The following ITGB3BP variants were observed in gnomAD, a reference collection of about 807,000 sequenced individuals.
ITGB3BP encodes the protein integrin subunit beta 3 binding protein.
A neutral mutation model predicts 29.1 loss-of-function variants in ITGB3BP; 27 were observed. The observed-to-expected ratio is 0.93, with a 90% confidence interval of 0.68 to 1.28. The LOEUF (loss-of-function observed/expected upper bound fraction) is 1.28, where lower values mean the gene tolerates loss of function less well. ITGB3BP is among the 50% of genes most tolerant of loss of function. ITGB3BP has a pLI of 0.00. For synonymous variants in ITGB3BP, 61 were observed against 61.4 expected (o/e 0.99, Z 0.03); for missense variants, 192 against 200.2 (o/e 0.96, Z 0.25).
intron 4 of ITGB3BP, among the ~76,000 whole-genome samples, chr1:63,473,355 A>T (rs866272522): frequency 0.021 from 3,136 of 147,288 alleles, 114 homozygotes; most frequent in African/African-American, 0.075. Flanking sequence ...GCGGGGGGTC[A>T]GCCCCCCGCC....
chr1:63,462,077 C>T (rs1285108094), intron 4 of ITGB3BP, among the ~76,000 whole-genome samples: 1 of 152,202 alleles, frequency 6.6e-6, no homozygotes, highest in Admixed American at 6.5e-5. Context: ...GTAGCATTAA[C>T]ATCTTAACAA....
intron 4 of ITGB3BP, among the ~76,000 whole-genome samples, chr1:63,465,560 TA>T (rs1261234710): frequency 1.3e-4 from 19 of 148,732 alleles, no homozygotes; most frequent in Non-Finnish European, 1.3e-4. Context: ...GCTTGCTAAT[TA>T]AAAAAAAAAA....
chr1:63,510,699 T>C (rs1646181576), intron 1 of ITGB3BP, among the ~76,000 whole-genome samples: 1 of 152,158 alleles, frequency 6.6e-6, no homozygotes, highest in Non-Finnish European at 1.5e-5. Context: ...TTGTCACACA[T>C]CTTGAGGGAG....
chr1:63,468,951 T>C (rs558364077), intron 4 of ITGB3BP, among the ~76,000 whole-genome samples: 2 of 151,984 alleles, frequency 1.3e-5, no homozygotes, highest in South Asian at 4.2e-4. Context: ...CTCGGGAGCC[T>C]GAGGCAGGAG....
chr1:63,488,354 T>C (rs1645572904), intron 3 of ITGB3BP, among the ~76,000 whole-genome samples: 2 of 152,042 alleles, frequency 1.3e-5, no homozygotes, highest in Non-Finnish European at 2.9e-5. Flanking sequence ...GATGGATATA[T>C]GGCCTTCCAT....
intron 7 of ITGB3BP, 160 bp downstream of exon 7, chr1:63,453,757 CT>C (rs762080504): frequency 1.3e-4 from 72 of 539,170 alleles, no homozygotes; most frequent in Non-Finnish European, 2.2e-4. Context: ...CAATATAAAG[CT>C]TTTCAAATGA....
rs1004173161 is a variant in ITGB3BP, at chr1:63,482,717, G to A, written c.185-3884C>T. Reference sequence around the variant, plus strand: ...AGCCCAGCCCGGAAAGCAGTGGTGCGATCTCTGCTCACTGCAACCTCCGCC... The same window carrying A: ...AGCCCAGCCCGGAAAGCAGTGGTGCAATCTCTGCTCACTGCAACCTCCGCC... On this transcript the variant is annotated intron_variant, in intron 3 of 8. Transcript: ENST00000271002. 1.7e-4 allele frequency among the ~76,000 whole-genome samples: 26 copies of A among 148,728 alleles called. No homozygotes were observed. The Admixed American group carries it at 1.8e-3, about 10-fold the overall frequency.
chr1:63,516,097 G>A (rs1646314046), intron 1 of ITGB3BP, among the ~76,000 whole-genome samples: 1 of 151,148 alleles, frequency 6.6e-6, no homozygotes, highest in Admixed American at 6.6e-5. Context: ...GAATAGAGCT[G>A]GAAATCATTA....
chr1:63,454,844 C>CA lies in ITGB3BP; in HGVS notation c.333+45dup. 2 of 858,208 alleles carry CA rather than the reference C, an allele frequency of 2.3e-6. No individual in the cohort carries two copies. The highest frequency in any genetic ancestry group is 3.4e-5 in the South Asian group (2 of 58,588). The allele number at this position is 858,208 out of a possible 1,614,324, so 53.2% of individuals were successfully genotyped here. A position where few individuals can be genotyped will look rare whatever the true frequency, so the allele number is the denominator to read the frequency against. On this transcript the variant is annotated intron_variant, in intron 5 of 8. Coordinates refer to ENST00000271002, the MANE Select transcript of ITGB3BP (RefSeq NM_014288.5). This position sits in a 1 kb window ranked among gnomAD's most constrained non-coding sequence, Gnocchi z 4.1. ...ATTCTCCAATCTGGGACACTTCTTT[C>CA]ATTTTATCCTTTTCAAACAGGGTAG...
At chr1:63,512,769 G>A (rs1317788324) in intron 1 of ITGB3BP, among the ~76,000 whole-genome samples, 1 of 152,078 alleles carries the variant, frequency 6.6e-6, no homozygotes, top group Non-Finnish European at 1.5e-5. Flanking sequence ...CACTATAATA[G>A]AGATGATAAT....
intron 4 of ITGB3BP, among the ~76,000 whole-genome samples, chr1:63,474,933 A>C (rs866911453): frequency 1.4e-5 from 2 of 145,852 alleles, no homozygotes; most frequent in African/African-American, 2.8e-5. Flanking sequence ...AAACAAAACA[A>C]AAACAAAAAC....
intron 3 of ITGB3BP, among the ~76,000 whole-genome samples, chr1:63,480,096 A>C (rs907348574): frequency 1.3e-5 from 2 of 152,128 alleles, no homozygotes; most frequent in African/African-American, 4.8e-5. Flanking sequence ...GATAACAATA[A>C]AATAAATAAA....
At chr1:63,463,530 T>G (rs2100547388) in intron 4 of ITGB3BP, among the ~76,000 whole-genome samples, 1 of 152,302 alleles carries the variant, frequency 6.6e-6, no homozygotes, top group South Asian at 2.1e-4. Flanking sequence ...ATGTCTCTGT[T>G]TTACTTCTCA....
chr1:63,523,188 C>G lies in ITGB3BP; in HGVS notation c.-55G>C, dbSNP rs200785870. ...TGAATAAAACGAACCCAGCAACTTC[C>G]GAAAACAGAAAATCCGCCAAAGGAA... On this transcript the variant is annotated 5_prime_UTR_variant, in exon 1 of 9. Coordinates refer to ENST00000271002, the MANE Select transcript of ITGB3BP (RefSeq NM_014288.5). 3.5e-5 allele frequency: 57 copies of G among 1,612,442 alleles called. No homozygotes were observed. The Middle Eastern group carries it at 2.7e-3, about 75-fold the overall frequency.
At chr1:63,465,904 A>T (rs1190688295) in intron 4 of ITGB3BP, among the ~76,000 whole-genome samples, 3 of 151,794 alleles carry the variant, frequency 2.0e-5, no homozygotes, top group Non-Finnish European at 2.9e-5. Context: ...TTTTTTTAAG[A>T]TTGGAAACCA....
intron 4 of ITGB3BP, among the ~76,000 whole-genome samples, chr1:63,461,253 C>CAAA (rs35374545): frequency 3.5e-4 from 20 of 56,804 alleles, no homozygotes; most frequent in African/African-American, 9.6e-4. Context: ...GACTCCATCT[C>CAAA]AAAAAAAAAA....
upstream of ITGB3BP, chr1:63,525,807 A>G (rs1377878149): frequency 7.7e-7 from 1 of 1,298,146 alleles, no homozygotes; most frequent in Non-Finnish European, 1.0e-6. Context: ...TTGAAAGTTA[A>G]TAAATAGGTC....
intron 1 of ITGB3BP, among the ~76,000 whole-genome samples, chr1:63,520,114 A>G (rs1646415783): frequency 6.6e-6 from 1 of 152,174 alleles, no homozygotes; most frequent in African/African-American, 2.4e-5. Flanking sequence ...TAGAAGAAGA[A>G]AAAAGGTCTA....
intron 1 of ITGB3BP, chr1:63,510,158 C>T: frequency 1.7e-6 from 1 of 575,246 alleles, no homozygotes; most frequent in Non-Finnish European, 3.2e-6. Flanking sequence ...CCATTGCACT[C>T]TAGCCTGGGC....
Sources: gnomAD v4.1 joint callset for allele counts (sites outside exome capture counted in the v4.1 genomes callset) on GRCh38, gnomAD v4.1.1 for gene constraint, Gnocchi (gnomAD v3.1) non-coding constraint, MANE v1.5 for transcripts, NCBI Gene and HGNC (gene_info 2026-07-23, HGNC 2026-07-21) for gene names.